The following P2RX1 variants were observed in gnomAD, a reference collection of about 807,000 sequenced individuals.
P2RX1 encodes the protein purinergic receptor P2X 1, also known as P2X purinoceptor 1.
Under a neutral mutation model 50.3 loss-of-function variants are expected in P2RX1, and 42 were observed. The ratio of observed to expected loss-of-function variants is 0.83; its 90% CI spans 0.65 to 1.08. P2RX1 has a LOEUF of 1.08. P2RX1 is among the 50% of genes least tolerant of loss of function. The pLI is 0.00. For synonymous variants in P2RX1, 199 were observed against 202.6 expected (o/e 0.98, Z 0.15); for missense variants, 449 against 529.0 (o/e 0.85, Z 1.48).
At chr17:3,904,698 G>A in intron 3 of P2RX1, 160 bp downstream of exon 3, 1 of 667,556 alleles carries the variant, frequency 1.5e-6, no homozygotes, top group South Asian at 1.7e-5. Context: ...GCTCTGCAAG[G>A]GTTGACAGTT....
At chr17:3,900,913 A>G (rs563961158) in intron 7 of P2RX1, among the ~76,000 whole-genome samples, 2 of 152,280 alleles carry the variant, frequency 1.3e-5, no homozygotes, top group East Asian at 1.9e-4. Context: ...GGAGAAAGCG[A>G]AGCTCCTCTG....
In P2RX1 at chr17:3,914,342, G is replaced by A. The variant is rs2056413833; in HGVS notation, c.137+1747C>T. ...TTAGACAGTCTTGGGAGGGAAGACA[G>A]GCAGGAGGACGGTAGTGAGGTCCCC... On this transcript the variant is annotated intron_variant, in intron 1 of 11. Coordinates refer to ENST00000225538, the MANE Select transcript of P2RX1 (RefSeq NM_002558.4). This position sits in a 1 kb window ranked among gnomAD's most constrained non-coding sequence, Gnocchi z 4.1. Among the ~76,000 whole-genome samples, 1 of 152,018 alleles carries A rather than the reference G, an allele frequency of 6.6e-6. No individual in the cohort carries two copies. Among genetic ancestry groups the A allele is most frequent in the African/African-American group, 2.4e-5 (1 of 41,368 alleles).
In P2RX1 at chr17:3,905,296, T is replaced by C. The variant is rs1479544175; in HGVS notation, c.209A>G (p.Lys70Arg). 6.2e-7 allele frequency: 1 copy of C among 1,613,886 alleles called. No individual in the cohort carries two copies. Among genetic ancestry groups the C allele is most frequent in the East Asian group, 2.2e-5 (1 of 44,902 alleles). The change falls in exon 2 of 12, where the codon AAG becomes AGG. Residue 70 changes from lysine (K) to arginine (R), a missense_variant. Lys to Arg is a conservative substitution (Grantham distance 26, BLOSUM62 2). Coordinates refer to ENST00000225538, the MANE Select transcript of P2RX1 (RefSeq NM_002558.4). ...GLISSVSVKLKGLAVTQLPGL... is the reference protein window; with the variant it reads ...GLISSVSVKLRGLAVTQLPGL... ...AGGGAGCTGGGTCACGGCCAGGCCCTTGAGTTTCACAGAGACACTGCTGAT... is the reference window on the plus strand; with the variant it reads ...AGGGAGCTGGGTCACGGCCAGGCCCCTGAGTTTCACAGAGACACTGCTGAT...
intron 9 of P2RX1, 89 bp from the exon 10 acceptor site, chr17:3,898,638 C>T (rs951625391): frequency 1.1e-5 from 11 of 1,002,532 alleles, no homozygotes; most frequent in African/African-American, 6.4e-5. Context: ...GACTTCCCCA[C>T]CCTCGGCTGT....
chr17:3,898,664 C>G (rs1204447039), intron 9 of P2RX1, 115 bp from the exon 10 acceptor site: 1 of 830,396 alleles, frequency 1.2e-6, no homozygotes, highest in African/African-American at 1.7e-5. Context: ...GTCCCCACCT[C>G]GGACTCTACA....
At chr17:3,902,925 G>GTTTTTTTTTTTTTTT (rs555049705) in intron 7 of P2RX1, among the ~76,000 whole-genome samples, 8 of 143,172 alleles carry the variant, frequency 5.6e-5, no homozygotes, top group African/African-American at 2.1e-4. Flanking sequence ...CTTTTATCTA[G>GTTTTTTTTTTTTTTT]TTTTTTTTTT....
intron 1 of P2RX1, among the ~76,000 whole-genome samples, chr17:3,910,454 C>T (rs1257505104): frequency 6.6e-6 from 1 of 152,236 alleles, no homozygotes; most frequent in Non-Finnish European, 1.5e-5. Context: ...CAGCCACCCT[C>T]CCCATCATGC....
chr17:3,908,975 TCAGCCTGGGC>T (rs1258873591), intron 1 of P2RX1, among the ~76,000 whole-genome samples: 2 of 152,158 alleles, frequency 1.3e-5, no homozygotes, highest in African/African-American at 4.8e-5. Flanking sequence ...TGCTACAAAC[TCAGCCTGGGC>T]CCCAGGAGAC....
Position 3,916,357 on chromosome 17 carries a change from G to T in P2RX1, c.-132C>A. ...GGCCCCTTAGGAAGAGCAGGGCGGT[G>T]CAGGTGGAGCCAGAGGACAGGAGCC... is the stretch of plus-strand genomic sequence containing the variant. On this transcript the variant is annotated 5_prime_UTR_variant, in exon 1 of 12. Transcript: ENST00000225538. The T allele has an allele frequency of 2.9e-6, 3 of 1,027,968 alleles. No individual in the cohort carries two copies. Among genetic ancestry groups the T allele is most frequent in the South Asian group, 3.1e-5 (2 of 64,882 alleles). 63.7% of individuals were successfully genotyped at this position (1,027,968 alleles called of 1,614,324 possible). A position where few individuals can be genotyped will look rare whatever the true frequency, so the allele number is the denominator to read the frequency against.
chr17:3,904,771 T>G (rs1428150855), intron 3 of P2RX1, 87 bp downstream of exon 3: 2 of 1,046,894 alleles, frequency 1.9e-6, no homozygotes, highest in East Asian at 2.5e-5. Flanking sequence ...CCTCTCTGGC[T>G]TCCCCTCCAG....
chr17:3,898,391 C>A, intron 10 of P2RX1, 93 bp downstream of exon 10: 2 of 1,012,532 alleles, frequency 2.0e-6, no homozygotes, highest in South Asian at 2.6e-5. Flanking sequence ...CAGTTAGGGT[C>A]AAGTTTTAGG....
At chr17:3,911,769 C>T (rs2056369269) in intron 1 of P2RX1, among the ~76,000 whole-genome samples, 1 of 152,228 alleles carries the variant, frequency 6.6e-6, no homozygotes, top group South Asian at 2.1e-4. Flanking sequence ...TCAGCCTAGT[C>T]CCAGTGACAC....
Position 3,903,831 on chromosome 17 carries a change from G to T in P2RX1, c.524+97C>A. 2 of 1,190,998 alleles carry T rather than the reference G, an allele frequency of 1.7e-6. No homozygotes were observed. The highest frequency in any genetic ancestry group is 2.5e-5 in the South Asian group (2 of 81,248). The allele number at this position is 1,190,998 out of a possible 1,614,324, so 73.8% of individuals were successfully genotyped here. On this transcript the variant is annotated intron_variant, in intron 5 of 11. Coordinates refer to ENST00000225538, the MANE Select transcript of P2RX1 (RefSeq NM_002558.4). The surrounding 1 kb of genome is among the most constrained non-coding windows in gnomAD (Gnocchi z 4.6). ...AGGTTGCGCGGATGGGGTGAGGGTGGGGTCAGAAAAAGGGGTAAAGATCCT... is the reference window on the plus strand; with the variant it reads ...AGGTTGCGCGGATGGGGTGAGGGTGTGGTCAGAAAAAGGGGTAAAGATCCT...
chr17:3,904,113 A>AAAG (rs1295980225), intron 4 of P2RX1, 89 bp from the exon 5 acceptor site: 4 of 1,171,136 alleles, frequency 3.4e-6, no homozygotes. Flanking sequence ...GTGACGGGCC[A>AAAG]CTCAAGCAAA....
chr17:3,904,891 C>T lies in P2RX1; in HGVS notation c.324G>A (p.Val108=). The change falls in exon 3 of 12, where the codon GTG becomes GTA. Residue 108 remains valine, a synonymous_variant. Transcript: ENST00000225538. ...NSFVVMTNFI[V]TPKQTQGYCA... ...AGTAGCCTTGAGTCTGCTTCGGGGT[C>T]ACGATGAAATTGGTCATGACCACGA... is the stretch of plus-strand genomic sequence containing the variant. 6.3e-7 allele frequency: 1 copy of T among 1,590,444 alleles called. No individual in the cohort carries two copies. Among genetic ancestry groups the T allele is most frequent in the Non-Finnish European group, 8.5e-7 (1 of 1,170,184 alleles).
At position 3,916,227 on chromosome 17, in the gene P2RX1, G is replaced by A. The variant is rs1395551387; in HGVS notation, c.-2C>T. 1 of 1,613,014 alleles carries A rather than the reference G, an allele frequency of 6.2e-7. No homozygotes were observed. The highest frequency in any genetic ancestry group is 1.3e-5 in the African/African-American group (1 of 75,070). Reference sequence around the variant, plus strand: ...CTCCTCCTGGAACCGCCGTGCCATGGTGGGCCGGCTGGGGCTCAGAACTGA... The same window carrying A: ...CTCCTCCTGGAACCGCCGTGCCATGATGGGCCGGCTGGGGCTCAGAACTGA... On this transcript the variant is annotated 5_prime_UTR_variant, in exon 1 of 12. Coordinates refer to ENST00000225538, the MANE Select transcript of P2RX1 (RefSeq NM_002558.4).
rs1340384343 is a variant in P2RX1, at chr17:3,897,607, C to T, written c.*207G>A. The T allele has an allele frequency of 1.6e-6, 1 of 616,804 alleles. No homozygotes were observed. The highest frequency in any genetic ancestry group is 1.8e-5 in the African/African-American group (1 of 54,976). The allele number at this position is 616,804 out of a possible 1,614,324, so 38.2% of individuals were successfully genotyped here. On this transcript the variant is annotated 3_prime_UTR_variant, in exon 12 of 12. Coordinates refer to ENST00000225538, the MANE Select transcript of P2RX1 (RefSeq NM_002558.4). ...AGGAGCGGCTGAGGCTAGGGTAGGG[C>T]TCCCTCAGGGTGTGTGGGGTCGGAG... is the stretch of plus-strand genomic sequence containing the variant.
intron 1 of P2RX1, among the ~76,000 whole-genome samples, chr17:3,911,658 C>A (rs558356820): frequency 6.6e-6 from 1 of 152,312 alleles, no homozygotes; most frequent in East Asian, 1.9e-4. Flanking sequence ...CTTCTGCCTG[C>A]AGAAGAAATC....
chr17:3,904,593 C>T, intron 3 of P2RX1, 194 bp from the exon 4 acceptor site: 1 of 644,474 alleles, frequency 1.6e-6, no homozygotes, highest in Non-Finnish European at 2.7e-6. Context: ...GGGCTCATGC[C>T]CAGCTGCCCA....
Sources: gnomAD v4.1 joint callset for allele counts (sites outside exome capture counted in the v4.1 genomes callset) on GRCh38, gnomAD v4.1.1 for gene constraint, Gnocchi (gnomAD v3.1) non-coding constraint, MANE v1.5 for transcripts, NCBI Gene and HGNC (gene_info 2026-07-23, HGNC 2026-07-21) for gene names.